Variants in SH3BP1 observed in about 807,000 individuals in gnomAD.
The protein encoded by SH3BP1 is SH3 domain binding protein 1.
Under a neutral mutation model 69.8 loss-of-function variants are expected in SH3BP1, and 46 were observed. The ratio of observed to expected loss-of-function variants is 0.66; its 90% CI spans 0.52 to 0.84. The LOEUF is 0.84. SH3BP1 is among the 40% of genes least tolerant of loss of function. SH3BP1 has a pLI of 0.00. For synonymous variants in SH3BP1, 403 were observed against 378.0 expected (o/e 1.07, Z -0.77); for missense variants, 868 against 930.9 (o/e 0.93, Z 0.88).
At chr22:37,642,659 C>T (rs747785179) in intron 4 of SH3BP1, 44 bp downstream of exon 4, 65 of 1,612,466 alleles carry the variant, frequency 4.0e-5, no homozygotes, top group East Asian at 1.1e-4. Flanking sequence ...GATACCAAGA[C>T]GTGATCTCAG....
intron 11 of SH3BP1, 51 bp from the exon 12 acceptor site, chr22:37,647,216 T>C: frequency 1.3e-6 from 2 of 1,494,280 alleles, no homozygotes; most frequent in South Asian, 2.3e-5. Context: ...ACAGGGAGAG[T>C]GGGAGAGCGG....
chr22:37,649,725 G>A (rs907064592), intron 14 of SH3BP1: 18 of 238,834 alleles, frequency 7.5e-5, no homozygotes, highest in South Asian at 2.8e-4. Flanking sequence ...TGGAGGATGC[G>A]GTGAGCCAAG....
chr22:37,655,939 C>T lies in SH3BP1; in HGVS notation c.*255C>T, dbSNP rs1244494558. ...ACTCTCCGGCAGGTCCTAGGGGAGC[C>T]ACCGGAAGGAAGGAGAGGTTTGCCT... On this transcript the variant is annotated 3_prime_UTR_variant, in exon 18 of 18. Transcript: ENST00000649765. 1 of 1,565,846 alleles carries T rather than the reference C, an allele frequency of 6.4e-7. No individual in the cohort carries two copies. Among genetic ancestry groups the T allele is most frequent in the Non-Finnish European group, 8.6e-7 (1 of 1,160,324 alleles).
At chr22:37,639,967 GC>G in intron 1 of SH3BP1, 121 bp downstream of exon 1, 2 of 685,826 alleles carry the variant, frequency 2.9e-6, no homozygotes, top group Non-Finnish European at 4.6e-6. Flanking sequence ...CCTCTGAGCG[GC>G]CAGACTCCTG....
rs534683078 is a variant in SH3BP1 at position 37,645,056 on chromosome 22, C to G, written c.778+96C>G. 7.8e-6 allele frequency: 9 copies of G among 1,160,722 alleles called. No homozygotes were observed. In the South Asian group the frequency reaches 1.1e-4, roughly 14 times the overall value. The allele number at this position is 1,160,722 out of a possible 1,614,324, so 71.9% of individuals were successfully genotyped here. On this transcript the variant is annotated intron_variant, in intron 9 of 17. Transcript: ENST00000649765. ...CTTCATCCTGAAAGGTAGCAGGAAG[C>G]TGTGGATGGGTTCTGAGAGCTAGGC... is the stretch of plus-strand genomic sequence containing the variant.
rs1932800895 is a variant in SH3BP1, at chr22:37,647,270, C to A, written c.1040C>A (p.Ala347Asp). 6.2e-7 allele frequency: 1 copy of A among 1,613,858 alleles called. No individual in the cohort carries two copies. Among genetic ancestry groups the A allele is most frequent in the African/African-American group, 1.3e-5 (1 of 74,908 alleles). Residue 347 changes from alanine to aspartate, a missense_variant, in exon 12 of 18, where the codon GCC (alanine) becomes GAC (aspartate). By Grantham distance (126) the Ala-to-Asp change is moderately radical. Around this residue, in one of 3 missense-constraint regions of SH3BP1, gnomAD observed 7 missense variants for 20.7 expected, o/e 0.34. Transcript: ENST00000649765. ...CCTCCCCACACCCCTCCTTCAGGTG[C>A]CCTCAAGTCCTATCTGCGGGAGCTG... is the stretch of plus-strand genomic sequence containing the variant. ...FCSDPHAVAGALKSYLRELPE... is the reference protein window; with the variant it reads ...FCSDPHAVAGDLKSYLRELPE...
intron 7 of SH3BP1, 39 bp downstream of exon 7, chr22:37,643,827 C>T: frequency 6.2e-7 from 1 of 1,607,306 alleles, no homozygotes. Context: ...GTAGGGGTGG[C>T]AGGGGTGGGT....
At position 37,655,929 on chromosome 22, in the gene SH3BP1, C is replaced by T. The variant is rs1285346888; in HGVS notation, c.*245C>T. On this transcript the variant is annotated 3_prime_UTR_variant, in exon 18 of 18. Coordinates refer to ENST00000649765, the MANE Select transcript of SH3BP1 (RefSeq NM_018957.6). ...CGGACTCTCCACTCTCCGGCAGGTC[C>T]TAGGGGAGCCACCGGAAGGAAGGAG... 1 of 1,569,336 alleles carries T rather than the reference C, an allele frequency of 6.4e-7. No homozygotes were observed. Among genetic ancestry groups the T allele is most frequent in the African/African-American group, 1.3e-5 (1 of 74,344 alleles).
chr22:37,640,818 C>CT, intron 1 of SH3BP1: 1 of 450,820 alleles, frequency 2.2e-6, no homozygotes, highest in Non-Finnish European at 4.0e-6. Context: ...AGAAAAGAGG[C>CT]TTCTGTGTCC....
intron 15 of SH3BP1, 24 bp from the exon 16 acceptor site, chr22:37,650,518 C>T (rs1383044601): frequency 9.4e-6 from 15 of 1,590,132 alleles, no homozygotes; most frequent in Middle Eastern, 1.7e-4. Context: ...CTCTGAGAGC[C>T]GTCTCCGCTC....
In SH3BP1 at chr22:37,641,108, C is replaced by CA. The variant is rs1569004555; in HGVS notation, c.60-18_60-17insA. 8 of 1,388,382 alleles carry CA rather than the reference C, an allele frequency of 5.8e-6. No homozygotes were observed. Among genetic ancestry groups the CA allele is most frequent in the Non-Finnish European group, 7.9e-6 (8 of 1,016,422 alleles). The allele number at this position is 1,388,382 out of a possible 1,614,324, so 86.0% of individuals were successfully genotyped here. On this transcript the variant is annotated splice_polypyrimidine_tract_variant and intron_variant, in intron 1 of 17. Coordinates refer to ENST00000649765, the MANE Select transcript of SH3BP1 (RefSeq NM_018957.6). ...TCAGCAGAAGCACTCTCCCCCCCCC[C>CA]CCCACCACTCCCCGCAGCACCCCGG...
intron 6 of SH3BP1, 149 bp from the exon 7 acceptor site, chr22:37,643,495 C>A: frequency 2.6e-6 from 3 of 1,158,328 alleles, no homozygotes; most frequent in African/African-American, 1.5e-5. Flanking sequence ...GCACTCATGG[C>A]CCAGCCTGGG....
intron 16 of SH3BP1, among the ~76,000 whole-genome samples, chr22:37,651,233 C>T (rs187528120): frequency 3.7e-4 from 56 of 152,030 alleles, no homozygotes; most frequent in African/African-American, 1.2e-3. Flanking sequence ...GGGGTTTCGC[C>T]ATGTTGGCCA....
chr22:37,640,922 C>T, intron 1 of SH3BP1: 1 of 595,300 alleles, frequency 1.7e-6, no homozygotes, highest in East Asian at 2.8e-5. Flanking sequence ...GGAGGAAAAA[C>T]CCATGTATCC....
rs1471712900 is a variant in SH3BP1, at chr22:37,644,856, C to G, written c.688-14C>G. ...TCCCCCACTTCCGCTCAGGGTGTCC[C>G]TTCATCCCCACAGCTCCTGGAGATT... On this transcript the variant is annotated splice_polypyrimidine_tract_variant and intron_variant, in intron 8 of 17. Transcript: ENST00000649765. 1.9e-6 allele frequency: 3 copies of G among 1,613,818 alleles called. No individual in the cohort carries two copies. Among genetic ancestry groups the G allele is most frequent in the Non-Finnish European group, 2.5e-6 (3 of 1,179,832 alleles).
chr22:37,642,644 C>A, intron 4 of SH3BP1, 29 bp downstream of exon 4: 1 of 1,613,022 alleles, frequency 6.2e-7, no homozygotes, highest in Non-Finnish European at 8.5e-7. Flanking sequence ...CAGCCCTCAC[C>A]TGGGGATACC....
chr22:37,652,183 G>C (rs1046400191), intron 16 of SH3BP1, among the ~76,000 whole-genome samples: 1 of 152,038 alleles, frequency 6.6e-6, no homozygotes, highest in African/African-American at 2.4e-5. Flanking sequence ...GTTGGTGGGC[G>C]CCTGTAGTCC....
intron 7 of SH3BP1, 100 bp downstream of exon 7, chr22:37,643,888 C>G: frequency 6.8e-7 from 1 of 1,469,066 alleles, no homozygotes; most frequent in Non-Finnish European, 9.3e-7. Flanking sequence ...GGTGACATGA[C>G]TTGCCTAAGG....
chr22:37,648,952 C>G (rs997501316), intron 14 of SH3BP1: 5 of 157,528 alleles, frequency 3.2e-5, no homozygotes, highest in African/African-American at 1.2e-4. Flanking sequence ...ATCCACCAGC[C>G]TCGGCCTCCC....
Sources: gnomAD v4.1 joint callset for allele counts (sites outside exome capture counted in the v4.1 genomes callset) on GRCh38, gnomAD v4.1.1 for gene constraint, gnomAD v4.1.1 regional missense constraint, MANE v1.5 for transcripts, NCBI Gene and HGNC (gene_info 2026-07-23, HGNC 2026-07-21) for gene names.